Variants in DLGAP2 observed in about 807,000 individuals in gnomAD.
The protein encoded by DLGAP2 is DLG associated protein 2, also known as disks large-associated protein 2.
Under a neutral mutation model 100.3 loss-of-function variants are expected in DLGAP2, and 26 were observed. That is an observed-to-expected ratio of 0.26 (90% CI 0.19 to 0.36). The LOEUF is 0.36. DLGAP2 is among the 10% of genes least tolerant of loss of function. The probability of loss-of-function intolerance (pLI) is 1.00; values close to 1 mark genes in which losing one functional copy is unlikely to be tolerated. For missense variants in DLGAP2, 1,858 were observed against 1,453.2 expected (o/e 1.28, Z -4.53); for synonymous variants, 886 against 630.1 (o/e 1.41, Z -6.08).
intron 4 of DLGAP2, among the ~76,000 whole-genome samples, chr8:1,544,494 C>T (rs922292064): frequency 6.6e-6 from 1 of 152,100 alleles, no homozygotes; most frequent in African/African-American, 2.4e-5. Flanking sequence ...GAAGTTCCCT[C>T]CAGTCCTAGT....
intron 10 of DLGAP2, among the ~76,000 whole-genome samples, chr8:1,670,335 C>G (rs1215708840): frequency 6.6e-6 from 1 of 152,236 alleles, no homozygotes; most frequent in Non-Finnish European, 1.5e-5. Flanking sequence ...GACCCCACAC[C>G]CCTCCGTGGT....
At chr8:981,677 C>T (rs144299854) in intron 2 of DLGAP2, among the ~76,000 whole-genome samples, 3 of 152,224 alleles carry the variant, frequency 2.0e-5, no homozygotes, top group East Asian at 1.9e-4. Context: ...CAATTAGTGA[C>T]GTTGAGCACC....
chr8:1,201,479 G>GA (rs1470356633), intron 2 of DLGAP2, among the ~76,000 whole-genome samples: 2 of 152,228 alleles, frequency 1.3e-5, no homozygotes, highest in East Asian at 3.9e-4. Flanking sequence ...AGAGCCTCCA[G>GA]AAGGAAGCCA....
intron 4 of DLGAP2, among the ~76,000 whole-genome samples, chr8:1,525,825 T>C (rs1420068576): frequency 6.6e-6 from 1 of 152,168 alleles, no homozygotes; most frequent in Non-Finnish European, 1.5e-5. Flanking sequence ...GACCTCAGCA[T>C]GTCTTGGCCT....
intron 4 of DLGAP2, among the ~76,000 whole-genome samples, chr8:1,505,320 G>T (rs1249751794): frequency 1.3e-5 from 2 of 152,234 alleles, no homozygotes; most frequent in African/African-American, 4.8e-5. Context: ...TTACAGCACA[G>T]TATAGGTTAA....
chr8:1,455,199 A>G (rs1377542565), intron 3 of DLGAP2, among the ~76,000 whole-genome samples: 1 of 152,242 alleles, frequency 6.6e-6, no homozygotes, highest in Non-Finnish European at 1.5e-5. Context: ...CAAGTCAGTG[A>G]GTGCTCAAGG....
At chr8:756,945 G>C (rs192668160) in intron 1 of DLGAP2, among the ~76,000 whole-genome samples, 1 of 152,124 alleles carries the variant, frequency 6.6e-6, no homozygotes, top group Non-Finnish European at 1.5e-5. Context: ...TCTGGCTCTC[G>C]AGTTTTCTGC....
chr8:1,089,276 C>G (rs1056375609), intron 2 of DLGAP2, among the ~76,000 whole-genome samples: 4 of 152,268 alleles, frequency 2.6e-5, no homozygotes, highest in East Asian at 1.9e-4. Flanking sequence ...CAGGCTTTCT[C>G]CGGACATGGT....
intron 4 of DLGAP2, among the ~76,000 whole-genome samples, chr8:1,517,246 G>T (rs1293073485): frequency 1.3e-5 from 2 of 152,188 alleles, no homozygotes; most frequent in Admixed American, 1.3e-4. Flanking sequence ...GGAGGAAGAA[G>T]TCAAGCCCTC....
intron 2 of DLGAP2, among the ~76,000 whole-genome samples, chr8:1,094,855 G>C (rs776979307): frequency 6.6e-6 from 1 of 152,226 alleles, no homozygotes; most frequent in African/African-American, 2.4e-5. Context: ...CCAAGCAAAC[G>C]TCCTGACCCC....
intron 4 of DLGAP2, among the ~76,000 whole-genome samples, chr8:1,541,676 C>T (rs139392613): frequency 4.8e-4 from 73 of 152,348 alleles, no homozygotes; most frequent in African/African-American, 1.4e-3. Flanking sequence ...GAACCTCTGC[C>T]AGCTCACCCA....
chr8:1,628,370 C>T (rs900816823), intron 7 of DLGAP2, among the ~76,000 whole-genome samples: 1 of 135,152 alleles, frequency 7.4e-6, no homozygotes, highest in South Asian at 2.4e-4. Flanking sequence ...GAGCTTGAGC[C>T]AACCTCACAT....
At chr8:765,167 A>G (rs1472455264) in intron 1 of DLGAP2, among the ~76,000 whole-genome samples, 2 of 152,150 alleles carry the variant, frequency 1.3e-5, no homozygotes, top group Non-Finnish European at 2.9e-5. Context: ...CTCTGCTGTT[A>G]TCTGTTTTTA....
In DLGAP2 at chr8:1,706,152, G is replaced by A. The variant is rs570185941; in HGVS notation, c.*4746G>A. The A allele has an allele frequency of 6.6e-6, 1 of 152,354 alleles. No individual in the cohort carries two copies. The highest frequency in any genetic ancestry group is 6.5e-5 in the Admixed American group (1 of 15,306). 9.4% of individuals were successfully genotyped at this position (152,354 alleles called of 1,614,324 possible). A position where few individuals can be genotyped will look rare whatever the true frequency, so the allele number is the denominator to read the frequency against. The stretch of plus-strand genomic sequence containing the variant: ...GGCTGAATGTCCCCCAGTGCAGGGT[G>A]GCAGCAGAATGTTCTGGAAATGAAG... On this transcript the variant is annotated 3_prime_UTR_variant, in exon 15 of 15. Transcript: ENST00000637795.
At chr8:1,191,690 G>A (rs934341047) in intron 2 of DLGAP2, among the ~76,000 whole-genome samples, 6 of 152,092 alleles carry the variant, frequency 3.9e-5, no homozygotes, top group African/African-American at 1.5e-4. Flanking sequence ...AGGAACTTGA[G>A]CTCATTGCAA....
intron 3 of DLGAP2, among the ~76,000 whole-genome samples, chr8:1,389,353 G>A (rs960652619): frequency 6.6e-6 from 1 of 151,964 alleles, no homozygotes; most frequent in African/African-American, 2.4e-5. Context: ...GGTGGCTGCA[G>A]CATCCCGGGG....
At chr8:843,187 G>A (rs747783828) in intron 1 of DLGAP2, among the ~76,000 whole-genome samples, 63 of 152,300 alleles carry the variant, frequency 4.1e-4, no homozygotes, top group Non-Finnish European at 7.4e-4. Context: ...AGCAGAATCC[G>A]GGAGAGCTTT....
intron 4 of DLGAP2, among the ~76,000 whole-genome samples, chr8:1,507,710 G>A (rs1000140668): frequency 1.3e-5 from 2 of 150,248 alleles, no homozygotes; most frequent in African/African-American, 2.5e-5. Flanking sequence ...GAAGGTAGCA[G>A]TCCACCCTCC....
At chr8:1,154,989 G>T (rs187120529) in intron 2 of DLGAP2, among the ~76,000 whole-genome samples, 7 of 152,250 alleles carry the variant, frequency 4.6e-5, no homozygotes, top group Admixed American at 1.3e-4. Flanking sequence ...ACTTCTTCCC[G>T]GGCCTTGTCC....
Sources: allele counts gnomAD v4.1 joint callset (sites outside exome capture counted in the v4.1 genomes callset), GRCh38; gene constraint gnomAD v4.1.1; transcripts MANE v1.5; gene names NCBI Gene and HGNC (gene_info 2026-07-23, HGNC 2026-07-21).